Variants in GPC5 observed in about 807,000 individuals in gnomAD.
The protein encoded by GPC5 is glypican 5, also known as glypican-5.
GPC5 carries 47 observed loss-of-function variants against 53.9 expected under a neutral mutation model. The observed-to-expected ratio is 0.87, with a 90% CI of 0.69 to 1.11. The LOEUF is 1.11. GPC5 is among the 50% of genes most tolerant of loss of function. GPC5 has a pLI of 0.00. For missense variants in GPC5, 748 were observed against 713.1 expected, an observed-to-expected ratio of 1.05 and a Z score of -0.56; for synonymous variants, 286 against 263.3, an observed-to-expected ratio of 1.09 and a Z score of -0.84.
chr13:92,535,372 G>A (rs1717060209), intron 7 of GPC5, among the ~76,000 whole-genome samples: 1 of 152,098 alleles, frequency 6.6e-6, no homozygotes, highest in Non-Finnish European at 1.5e-5. Flanking sequence ...CTATTGCCAG[G>A]GAAGAGGCTT....
intron 7 of GPC5, among the ~76,000 whole-genome samples, chr13:92,727,683 C>A (rs1399266331): frequency 6.6e-6 from 1 of 151,320 alleles, no homozygotes; most frequent in Non-Finnish European, 1.5e-5. Context: ...ATTTGCTGGG[C>A]AGAGTTGTGC....
At chr13:91,951,102 T>C (rs1324512248) in intron 6 of GPC5, among the ~76,000 whole-genome samples, 1 of 152,192 alleles carries the variant, frequency 6.6e-6, no homozygotes, top group African/African-American at 2.4e-5. Context: ...GATTGAATTA[T>C]CTGTTTTGCC....
In GPC5 at chr13:92,799,893, C is replaced by T. The variant is rs576036739; in HGVS notation, c.1562-66389C>T. On this transcript the variant is annotated intron_variant, in intron 7 of 7. Coordinates refer to ENST00000377067, the MANE Select transcript of GPC5 (RefSeq NM_004466.6). The stretch of plus-strand genomic sequence containing the variant: ...GAAGAACACAAAAATACAGATGAAT[C>T]GGCTCTGATTCAAATTTTTCATTTC... Among the ~76,000 whole-genome samples, 4 of 151,744 alleles carry T rather than the reference C, an allele frequency of 2.6e-5. No individual in the cohort carries two copies. In the South Asian group the frequency reaches 6.2e-4, roughly 24 times the overall value.
At chr13:92,344,168 G>A (rs34719909) in intron 7 of GPC5, among the ~76,000 whole-genome samples, 1,529 of 152,172 alleles carry the variant, frequency 0.01, 27 homozygotes, top group Middle Eastern at 0.048. Flanking sequence ...AAAGCCTCAG[G>A]AAACCTATAA....
intron 2 of GPC5, among the ~76,000 whole-genome samples, chr13:91,535,695 G>A (rs886492229): frequency 4.6e-5 from 7 of 152,080 alleles, no homozygotes; most frequent in Non-Finnish European, 7.4e-5. Flanking sequence ...AAAAATGGAC[G>A]TGTCTCACCT....
intron 5 of GPC5, among the ~76,000 whole-genome samples, chr13:91,876,628 G>C (rs1343197402): frequency 6.6e-6 from 1 of 152,206 alleles, no homozygotes; most frequent in African/African-American, 2.4e-5. Context: ...CTCGGATGCT[G>C]TCAAAGGCAT....
In GPC5 at chr13:91,737,035, C is replaced by T. The variant is rs562991394; in HGVS notation, c.1154+8370C>T. ...AGGAGAATGGCGTGAACCTGGGTGGCGGAGCTTTCAGTGAGCTGAGATCAT... is the reference window on the plus strand; with the variant it reads ...AGGAGAATGGCGTGAACCTGGGTGGTGGAGCTTTCAGTGAGCTGAGATCAT... On this transcript the variant is annotated intron_variant, in intron 4 of 7. Transcript: ENST00000377067. Among the ~76,000 whole-genome samples the T allele has an allele frequency of 8.6e-5, 13 of 151,298 alleles. 1 individual carries two copies. The highest frequency in any genetic ancestry group is 2.1e-4 in the South Asian group (1 of 4,804).
intron 1 of GPC5, among the ~76,000 whole-genome samples, chr13:91,423,674 G>T (rs1878805849): frequency 6.6e-6 from 1 of 152,226 alleles, no homozygotes; most frequent in East Asian, 1.9e-4. Context: ...GCACAGCATG[G>T]GGACTATAAT....
chr13:92,778,561 A>G (rs947746701), intron 7 of GPC5, among the ~76,000 whole-genome samples: 3 of 152,338 alleles, frequency 2.0e-5, no homozygotes, highest in South Asian at 2.1e-4. Flanking sequence ...AACTACAAAA[A>G]TATATTGTCT....
intron 1 of GPC5, among the ~76,000 whole-genome samples, chr13:91,415,247 G>T (rs1878111558): frequency 6.6e-6 from 1 of 152,128 alleles, no homozygotes; most frequent in African/African-American, 2.4e-5. Flanking sequence ...GCTTAGGCTT[G>T]CTGTAAAAGT....
At chr13:91,753,740 T>C (rs930502764) in intron 4 of GPC5, among the ~76,000 whole-genome samples, 7 of 152,224 alleles carry the variant, frequency 4.6e-5, no homozygotes, top group African/African-American at 1.7e-4. Context: ...CTAGTGAAAC[T>C]GCATACTACC....
At chr13:91,410,724 C>T (rs1877701953) in intron 1 of GPC5, among the ~76,000 whole-genome samples, 1 of 152,170 alleles carries the variant, frequency 6.6e-6, no homozygotes, top group Non-Finnish European at 1.5e-5. Context: ...ATCCTGTACT[C>T]TTAGGAACAT....
At chr13:91,954,776 A>C (rs571113107) in intron 6 of GPC5, among the ~76,000 whole-genome samples, 7 of 152,208 alleles carry the variant, frequency 4.6e-5, no homozygotes, top group African/African-American at 1.7e-4. Flanking sequence ...AAACCCAAAA[A>C]TGTAAGGATT....
chr13:92,097,253 A>C (rs956766872), intron 6 of GPC5, among the ~76,000 whole-genome samples: 1 of 152,188 alleles, frequency 6.6e-6, no homozygotes, highest in Admixed American at 6.6e-5. Context: ...GTTTCCTAGA[A>C]AACTGTTGAA....
At chr13:91,464,878 G>A (rs970152259) in intron 2 of GPC5, among the ~76,000 whole-genome samples, 3 of 152,046 alleles carry the variant, frequency 2.0e-5, no homozygotes, top group Non-Finnish European at 4.4e-5. Context: ...ACCAATGTCA[G>A]TTTCCTGGTT....
intron 3 of GPC5, among the ~76,000 whole-genome samples, chr13:91,713,614 A>T (rs549375279): frequency 5.3e-5 from 8 of 152,264 alleles, no homozygotes; most frequent in Non-Finnish European, 1.2e-4. Flanking sequence ...GTTTATATGT[A>T]TCCAAGAAAT....
At position 92,630,917 on chromosome 13, in the gene GPC5, A is replaced by G. The variant is rs116307974; in HGVS notation, c.1562-235365A>G. Among the ~76,000 whole-genome samples, 451 of 152,250 alleles carry G rather than the reference A, an allele frequency of 3.0e-3. 1 individual carries two copies. Among genetic ancestry groups the G allele is most frequent in the African/African-American group, 0.01 (435 of 41,552 alleles). On this transcript the variant is annotated intron_variant, in intron 7 of 7. Transcript: ENST00000377067. The stretch of plus-strand genomic sequence containing the variant: ...CTTTATGACACAAATCTAGTTGGCA[A>G]TATTAAAGATGAGGCTGATTCTCCT...
At chr13:91,955,559 C>G (rs906062050) in intron 6 of GPC5, among the ~76,000 whole-genome samples, 50 of 152,256 alleles carry the variant, frequency 3.3e-4, no homozygotes, top group African/African-American at 1.2e-3. Flanking sequence ...GTTGGGAGCC[C>G]ACAGAGGCAC....
intron 7 of GPC5, among the ~76,000 whole-genome samples, chr13:92,153,599 C>A (rs775126866): frequency 8.5e-5 from 13 of 152,166 alleles, no homozygotes; most frequent in Non-Finnish European, 1.6e-4. Context: ...TCTTGATATA[C>A]ATGTGCAAGA....
Sources: allele counts gnomAD v4.1 joint callset (sites outside exome capture counted in the v4.1 genomes callset), GRCh38; gene constraint gnomAD v4.1.1; transcripts MANE v1.5; gene names NCBI Gene and HGNC (gene_info 2026-07-23, HGNC 2026-07-21).